Variants in CYRIA observed in about 807,000 individuals in gnomAD.
CYRIA encodes CYFIP-related Rac1 interactor A.
Under a neutral mutation model 43.9 loss-of-function variants are expected in CYRIA, and 15 were observed. The ratio of observed to expected loss-of-function variants is 0.34; its 90% CI spans 0.23 to 0.53. The LOEUF (loss-of-function observed/expected upper bound fraction) is 0.53. Among genes scored for constraint, CYRIA ranks in the 20% least tolerant of loss-of-function variants. The pLI is 0.94. For missense variants in CYRIA, 236 were observed against 394.2 expected (o/e 0.60, Z 3.40); for synonymous variants, 117 against 136.0 (o/e 0.86, Z 0.97).
intron 1 of CYRIA, among the ~76,000 whole-genome samples, chr2:16,638,779 T>C (rs901717032): frequency 6.6e-6 from 1 of 152,168 alleles, no homozygotes; most frequent in Non-Finnish European, 1.5e-5. Flanking sequence ...CGTGTGAGTG[T>C]GGAGTGTTGT....
intron 2 of CYRIA, among the ~76,000 whole-genome samples, chr2:16,605,874 G>C (rs1668380340): frequency 6.6e-6 from 1 of 152,162 alleles, no homozygotes; most frequent in African/African-American, 2.4e-5. Flanking sequence ...GGGCACCGCT[G>C]AGCAACTTCT....
At chr2:16,628,080 G>C (rs2103516976) in intron 1 of CYRIA, among the ~76,000 whole-genome samples, 1 of 152,226 alleles carries the variant, frequency 6.6e-6, no homozygotes, top group East Asian at 1.9e-4. Flanking sequence ...ATGATGCCTG[G>C]GAAGCCAGGA....
chr2:16,641,655 C>T (rs772527133), intron 1 of CYRIA, among the ~76,000 whole-genome samples: 3 of 152,220 alleles, frequency 2.0e-5, no homozygotes, highest in Admixed American at 6.5e-5. Context: ...ATACTCATTC[C>T]ATCTAGCACA....
At chr2:16,562,473 A>T (rs1016323878) in intron 5 of CYRIA, among the ~76,000 whole-genome samples, 1 of 152,192 alleles carries the variant, frequency 6.6e-6, no homozygotes, top group African/African-American at 2.4e-5. Context: ...TGAGACAGCC[A>T]TTCATGATTC....
At chr2:16,622,415 T>G (rs1210340218) in intron 2 of CYRIA, among the ~76,000 whole-genome samples, 1 of 152,198 alleles carries the variant, frequency 6.6e-6, no homozygotes, top group African/African-American at 2.4e-5. Flanking sequence ...TCGTTGGGGC[T>G]TAACAGTATT....
At chr2:16,556,784 G>T (rs1216064875) in intron 10 of CYRIA, among the ~76,000 whole-genome samples, 2 of 152,082 alleles carry the variant, frequency 1.3e-5, no homozygotes, top group Non-Finnish European at 2.9e-5. Context: ...GCATGGAGGA[G>T]CAAGTAGAGA....
intron 3 of CYRIA, among the ~76,000 whole-genome samples, chr2:16,575,146 C>T (rs1347384761): frequency 5.9e-5 from 9 of 152,214 alleles, no homozygotes; most frequent in Middle Eastern, 6.8e-3. Flanking sequence ...GTTGTAGCCC[C>T]TCTGTTTTGG....
chr2:16,627,757 C>T lies in CYRIA; in HGVS notation c.-166-3738G>A, dbSNP rs138550669. ...AGACTCTCCAGGCAGGAAAGACTGA[C>T]AGCTGCTGTGCAGGCAGAATTAGGA... On this transcript the variant is annotated intron_variant, in intron 1 of 11. Transcript: ENST00000381323. Among the ~76,000 whole-genome samples the T allele has an allele frequency of 9.2e-5, 14 of 152,336 alleles. No individual in the cohort carries two copies. In the East Asian group the frequency reaches 2.1e-3, roughly 23 times the overall value.
At chr2:16,581,001 T>C (rs34259341) in intron 3 of CYRIA, among the ~76,000 whole-genome samples, 31,501 of 152,136 alleles carry the variant, frequency 0.21, 3,686 homozygotes, top group Admixed American at 0.29. Flanking sequence ...CAATACAGCT[T>C]TCAGAAGAAA....
intron 2 of CYRIA, among the ~76,000 whole-genome samples, chr2:16,601,322 GA>G (rs1001450366): frequency 6.6e-6 from 1 of 152,156 alleles, no homozygotes; most frequent in African/African-American, 2.4e-5. Context: ...GGTTGGGGGG[GA>G]TTCTGAGTGT....
intron 3 of CYRIA, among the ~76,000 whole-genome samples, chr2:16,570,875 A>G (rs1023200126): frequency 2.0e-5 from 3 of 152,212 alleles, no homozygotes; most frequent in South Asian, 4.1e-4. Flanking sequence ...CCATATTCTA[A>G]GCTTCTAACC....
chr2:16,659,400 CT>C (rs1210685966), intron 1 of CYRIA, among the ~76,000 whole-genome samples: 2 of 152,216 alleles, frequency 1.3e-5, no homozygotes, highest in Non-Finnish European at 2.9e-5. Flanking sequence ...GGGATAATAT[CT>C]GTTTCAAACG....
chr2:16,567,895 G>A (rs1452645698), intron 3 of CYRIA, among the ~76,000 whole-genome samples: 1 of 151,938 alleles, frequency 6.6e-6, no homozygotes, highest in Non-Finnish European at 1.5e-5. Context: ...TATAACTTGA[G>A]CTGGGGCAAT....
At chr2:16,566,767 T>G (rs1666947649) in intron 3 of CYRIA, among the ~76,000 whole-genome samples, 1 of 152,184 alleles carries the variant, frequency 6.6e-6, no homozygotes, top group South Asian at 2.1e-4. Flanking sequence ...TCATGGGAGC[T>G]GGTGGGTGGT....
chr2:16,638,515 G>T (rs897934891), intron 1 of CYRIA, among the ~76,000 whole-genome samples: 1 of 152,152 alleles, frequency 6.6e-6, no homozygotes, highest in Admixed American at 6.5e-5. Context: ...TTCAGGCACA[G>T]AGCACGGGCC....
chr2:16,641,629 C>A (rs1283870772), intron 1 of CYRIA, among the ~76,000 whole-genome samples: 1 of 152,218 alleles, frequency 6.6e-6, no homozygotes, highest in Non-Finnish European at 1.5e-5. Context: ...TAGAAAAATA[C>A]CAAGTTTAAC....
intron 2 of CYRIA, among the ~76,000 whole-genome samples, chr2:16,613,387 C>T (rs1412124105): frequency 1.3e-5 from 2 of 152,214 alleles, no homozygotes; most frequent in African/African-American, 4.8e-5. Context: ...GACACTCATT[C>T]CCCTGCTTTC....
chr2:16,631,598 AGCCTTAGTT>A (rs1037245996), intron 1 of CYRIA, among the ~76,000 whole-genome samples: 2 of 152,238 alleles, frequency 1.3e-5, no homozygotes, highest in Non-Finnish European at 2.9e-5. Context: ...TTTGGAGCTA[AGCCTTAGTT>A]GCCTTATCTG....
intron 1 of CYRIA, among the ~76,000 whole-genome samples, chr2:16,649,379 G>A (rs1669905737): frequency 1.3e-5 from 2 of 152,072 alleles, no homozygotes; most frequent in South Asian, 4.1e-4. Flanking sequence ...TACACTACAG[G>A]GGACAGTTGT....
Sources: allele counts gnomAD v4.1 joint callset (sites outside exome capture counted in the v4.1 genomes callset), GRCh38; gene constraint gnomAD v4.1.1; transcripts MANE v1.5; gene names NCBI Gene and HGNC (gene_info 2026-07-23, HGNC 2026-07-21).